Variants in PCNT observed in about 807,000 individuals in gnomAD.
PCNT encodes pericentrin, also known as kendrin.
PCNT carries 319 observed loss-of-function variants against 380.4 expected under a neutral mutation model. The ratio of observed to expected loss-of-function variants is 0.84; its 90% CI spans 0.77 to 0.92. The LOEUF is 0.92. Among genes scored for constraint, PCNT ranks in the 40% least tolerant of loss-of-function variants. The pLI is 0.00. For missense variants in PCNT, 4,400 were observed against 4,255.3 expected, an observed-to-expected ratio of 1.03 and a Z score of -0.95; for synonymous variants, 1,845 against 1,735.2, an observed-to-expected ratio of 1.06 and a Z score of -1.57.
At chr21:46,340,094 G>A (rs7279047) in intron 3 of PCNT, among the ~76,000 whole-genome samples, 19,246 of 152,212 alleles carry the variant, frequency 0.13, 1,351 homozygotes, top group African/African-American at 0.18. Flanking sequence ...AGGCCTCACA[G>A]TCATGGTGGA....
rs536472622 is a variant in PCNT, at chr21:46,388,134, C to T, written c.3465-608C>T. Among the ~76,000 whole-genome samples the T allele has an allele frequency of 2.0e-5, 3 of 151,824 alleles. No individual in the cohort carries two copies. The highest frequency in any genetic ancestry group is 4.8e-5 in the African/African-American group (2 of 41,322). Reference sequence around the variant, plus strand: ...CTGAGGCAGGAGAAAGGCGTGAACCCGGGAGGTGGAGCTTGCAGTGAGCCA... The same window carrying T: ...CTGAGGCAGGAGAAAGGCGTGAACCTGGGAGGTGGAGCTTGCAGTGAGCCA... On this transcript the variant is annotated intron_variant, in intron 17 of 46. Transcript: ENST00000359568. This position sits in a 1 kb window ranked among gnomAD's most constrained non-coding sequence, Gnocchi z 4.2.
At chr21:46,438,362 C>G in intron 41 of PCNT, 25 bp downstream of exon 41, 1 of 1,606,792 alleles carries the variant, frequency 6.2e-7, no homozygotes, top group South Asian at 1.1e-5. Flanking sequence ...TTAACTCTTA[C>G]CTGCCTCAGC....
intron 31 of PCNT, among the ~76,000 whole-genome samples, chr21:46,418,621 T>C (rs1199822331): frequency 1.3e-5 from 2 of 152,250 alleles, no homozygotes; most frequent in Non-Finnish European, 2.9e-5. Context: ...GTGTCCTTTA[T>C]GGAAAAGACA....
In PCNT at chr21:46,326,602, A is replaced by G. The variant is rs772891406; in HGVS notation, c.267+13A>G. On this transcript the variant is annotated intron_variant, in intron 2 of 46. Transcript: ENST00000359568. ...CTTTGCAGCTCAGGTAGATTTGCTC[A>G]ATGTTGTATTTGAACATTTCGCTTA... 9 of 1,610,406 alleles carry G rather than the reference A, an allele frequency of 5.6e-6. No homozygotes were observed. Among genetic ancestry groups the G allele is most frequent in the Non-Finnish European group, 6.8e-6 (8 of 1,176,652 alleles).
At chr21:46,373,749 T>G (rs28619164) in intron 15 of PCNT, among the ~76,000 whole-genome samples, 1,785 of 81,090 alleles carry the variant, frequency 0.022, 26 homozygotes, top group African/African-American at 0.1. Flanking sequence ...TTTTTTTTTT[T>G]GGGCGGAGTC....
At chr21:46,440,341 C>A in intron 42 of PCNT, 139 bp downstream of exon 42, 2 of 909,144 alleles carry the variant, frequency 2.2e-6, no homozygotes, top group Non-Finnish European at 3.6e-6. Flanking sequence ...AAAGGACGTT[C>A]ACAGAATAAA....
chr21:46,411,437 A>G lies in PCNT; in HGVS notation c.5364A>G (p.Leu1788=). 1 of 1,612,208 alleles carries G rather than the reference A, an allele frequency of 6.2e-7. No individual in the cohort carries two copies. The highest frequency in any genetic ancestry group is 1.1e-5 in the South Asian group (1 of 91,048). ...CCGGGGGCCCTCGTGGGCAGGCCCT[A>G]CAGGGCGAGCTCGAGGCTGCGCTGG... The part of the protein sequence containing the change: ...SQAGGPRGQA[L]QGELEAALEA... The change falls in exon 28 of 47, where the codon CTA becomes CTG. Residue 1788 remains leucine (L), a synonymous_variant. Coordinates refer to ENST00000359568, the MANE Select transcript of PCNT (RefSeq NM_006031.6).
intron 15 of PCNT, among the ~76,000 whole-genome samples, chr21:46,371,044 A>G (rs936216025): frequency 2.6e-5 from 4 of 151,944 alleles, no homozygotes; most frequent in Admixed American, 6.6e-5. Context: ...CAAAAAATAT[A>G]TATATGAAAA....
Position 46,366,838 on chromosome 21 carries a change from C to T in PCNT, c.2864C>T (p.Ala955Val). Reference protein sequence around the residue: ...RVAELQTKHAADLGALETRHL... With the variant: ...RVAELQTKHAVDLGALETRHL... The stretch of plus-strand genomic sequence containing the variant: ...GCCGAACTGCAGACAAAACACGCTG[C>T]CGACCTCGGCGCTCTGGAGACCAGA... Residue 955 changes from alanine (A) to valine (V), a missense_variant, in exon 15 of 47, where the codon GCC becomes GTC. Transcript: ENST00000359568. The T allele has an allele frequency of 6.2e-7, 1 of 1,614,004 alleles. No individual in the cohort carries two copies. Among genetic ancestry groups the T allele is most frequent in the Non-Finnish European group, 8.5e-7 (1 of 1,180,054 alleles).
chr21:46,355,771 C>T (rs1670993193), intron 12 of PCNT, 145 bp downstream of exon 12: 1 of 826,216 alleles, frequency 1.2e-6, no homozygotes, highest in Non-Finnish European at 2.0e-6. Flanking sequence ...GACACCTCAA[C>T]AGAGTGTGTC....
At chr21:46,338,271 C>T (rs2083814435) in intron 3 of PCNT, among the ~76,000 whole-genome samples, 1 of 152,188 alleles carries the variant, frequency 6.6e-6, no homozygotes, top group Non-Finnish European at 1.5e-5. Context: ...AACCCCAGCC[C>T]CCAAGAGGGC....
intron 14 of PCNT, among the ~76,000 whole-genome samples, chr21:46,365,262 G>A (rs2084860519): frequency 7.7e-6 from 1 of 129,670 alleles, no homozygotes; most frequent in Non-Finnish European, 1.6e-5. Flanking sequence ...CTCCCATGGA[G>A]TTCTGTTCAC....
intron 19 of PCNT, 74 bp from the exon 20 acceptor site, chr21:46,390,596 G>T: frequency 6.6e-7 from 1 of 1,516,206 alleles, no homozygotes; most frequent in Non-Finnish European, 9.2e-7. Flanking sequence ...GGTAGAAGTG[G>T]CGTTCTCTTG....
At chr21:46,381,955 A>G (rs2085560843) in intron 16 of PCNT, 115 bp downstream of exon 16, 3 of 1,158,758 alleles carry the variant, frequency 2.6e-6, no homozygotes, top group South Asian at 1.3e-5. Context: ...TTGTGCATTT[A>G]TAGTGTTGTA....
chr21:46,333,964 T>G (rs1197407857), intron 2 of PCNT, among the ~76,000 whole-genome samples: 1 of 150,340 alleles, frequency 6.7e-6, no homozygotes, highest in Non-Finnish European at 1.5e-5. Flanking sequence ...CCCAGCACTT[T>G]GGGAGGCCAA....
chr21:46,437,129 G>A lies in PCNT; in HGVS notation c.9099+48G>A, dbSNP rs750399136. 4.6e-6 allele frequency: 6 copies of A among 1,291,786 alleles called. No individual in the cohort carries two copies. In the African/African-American group the frequency reaches 8.8e-5, roughly 19 times the overall value. The allele number at this position is 1,291,786 out of a possible 1,614,324, so 80.0% of individuals were successfully genotyped here. A position where few individuals can be genotyped will look rare whatever the true frequency, so the allele number is the denominator to read the frequency against. On this transcript the variant is annotated intron_variant, in intron 40 of 46. Coordinates refer to ENST00000359568, the MANE Select transcript of PCNT (RefSeq NM_006031.6). ...TCCCTGGCCTGGCTCCTCCCCCAGA[G>A]GGGCCCTCTCGGCAGCTTTGTGGTT...
intron 35 of PCNT, among the ~76,000 whole-genome samples, chr21:46,428,940 C>T (rs2087624988): frequency 6.6e-6 from 1 of 152,202 alleles, no homozygotes; most frequent in Admixed American, 6.5e-5. Context: ...TGTAGATGCT[C>T]AGGTCATCTG....
chr21:46,349,196 G>A lies in PCNT; in HGVS notation c.1207+10G>A. The stretch of plus-strand genomic sequence containing the variant: ...AAAAACCAGGCTGAACGTAAGTAAT[G>A]AAAATGAGCAAGTTTGGAGTGGGAC... On this transcript the variant is annotated intron_variant, in intron 7 of 46. Transcript: ENST00000359568. 6.2e-7 allele frequency: 1 copy of A among 1,610,648 alleles called. No homozygotes were observed.
intron 40 of PCNT, among the ~76,000 whole-genome samples, chr21:46,437,461 G>T (rs2053492795): frequency 6.6e-6 from 1 of 152,216 alleles, no homozygotes; most frequent in Non-Finnish European, 1.5e-5. Flanking sequence ...AGGGGCTATG[G>T]TTCTGCTCTG....
Sources: allele counts gnomAD v4.1 joint callset (sites outside exome capture counted in the v4.1 genomes callset), GRCh38; gene constraint gnomAD v4.1.1; non-coding constraint Gnocchi (gnomAD v3.1); transcripts MANE v1.5; gene names NCBI Gene and HGNC (gene_info 2026-07-23, HGNC 2026-07-21).